DUSP10: variants seen among roughly 807,000 people sequenced by gnomAD.
DUSP10 encodes dual specificity protein phosphatase 10.
A neutral mutation model predicts 30.8 loss-of-function variants in DUSP10; 14 were observed. The ratio of observed to expected loss-of-function variants is 0.46; its 90% CI spans 0.30 to 0.71. DUSP10 has a LOEUF of 0.71. Among genes scored for constraint, DUSP10 ranks in the 30% least tolerant of loss-of-function variants. The pLI is 0.08. For missense variants in DUSP10, 550 were observed against 619.4 expected (o/e 0.89, Z 1.19); for synonymous variants, 254 against 250.4 (o/e 1.01, Z -0.14).
chr1:221,716,073 C>T (rs928449918), intron 2 of DUSP10, among the ~76,000 whole-genome samples: 14 of 150,090 alleles, frequency 9.3e-5, no homozygotes, highest in Non-Finnish European at 1.8e-4. Flanking sequence ...CCTCTCCCTA[C>T]ACCTTCTCTG....
intron 2 of DUSP10, among the ~76,000 whole-genome samples, chr1:221,713,772 T>C (rs144126467): frequency 8.4e-4 from 128 of 152,332 alleles, no homozygotes; most frequent in African/African-American, 3.0e-3. Flanking sequence ...TTTAAATCCC[T>C]TTGTACACAG....
At chr1:221,717,348 C>G (rs570437321) in intron 2 of DUSP10, among the ~76,000 whole-genome samples, 110 of 151,890 alleles carry the variant, frequency 7.2e-4, no homozygotes, top group African/African-American at 2.5e-3. Flanking sequence ...CACAGGGCCT[C>G]TTAGGCAGGT....
chr1:221,715,017 T>C (rs1222447431), intron 2 of DUSP10, among the ~76,000 whole-genome samples: 2 of 152,236 alleles, frequency 1.3e-5, no homozygotes, highest in Non-Finnish European at 2.9e-5. Context: ...GTGTGCTTTC[T>C]TCTCCATTTT....
chr1:221,732,909 C>T (rs947351861), intron 2 of DUSP10, among the ~76,000 whole-genome samples: 1 of 152,180 alleles, frequency 6.6e-6, no homozygotes, highest in Non-Finnish European at 1.5e-5. Context: ...GGATTAGGGG[C>T]CCTCTAAAGT....
rs1295406955 is a variant in DUSP10 at position 221,702,085 on chromosome 1, C to T, written c.*327G>A. On this transcript the variant is annotated 3_prime_UTR_variant, in exon 4 of 4. Coordinates refer to ENST00000366899, the MANE Select transcript of DUSP10 (RefSeq NM_007207.6). The surrounding 1 kb of genome is among the most constrained non-coding windows in gnomAD (Gnocchi z 4.5). ...TGTGTAGTATCTTCGGTCTATGAAC[C>T]TGCACAGACTATTTAGTCATAAACT... 1 of 265,992 alleles carries T rather than the reference C, an allele frequency of 3.8e-6. No homozygotes were observed. Among genetic ancestry groups the T allele is most frequent in the Non-Finnish European group, 7.3e-6 (1 of 137,842 alleles). The allele number at this position is 265,992 out of a possible 1,614,324, so 16.5% of individuals were successfully genotyped here.
intron 2 of DUSP10, among the ~76,000 whole-genome samples, chr1:221,722,938 A>G (rs1372392955): frequency 6.6e-6 from 1 of 152,212 alleles, no homozygotes; most frequent in Non-Finnish European, 1.5e-5. Flanking sequence ...TACCTTGTTT[A>G]TGAAATGTAA....
rs148075358 is a variant in DUSP10, at chr1:221,740,156, C to T, written c.-43-369G>A. 1.8e-4 allele frequency among the ~76,000 whole-genome samples: 27 copies of T among 152,296 alleles called. No homozygotes were observed. The East Asian group carries it at 5.2e-3, about 29-fold the overall frequency. ...GGCATCTATTCTGAACCTCAGCTCT[C>T]GGGCAGAAGTACACTGCAAACATCT... On this transcript the variant is annotated intron_variant, in intron 1 of 3. Transcript: ENST00000366899.
intron 3 of DUSP10, among the ~76,000 whole-genome samples, chr1:221,704,269 A>G (rs977687623): frequency 2.0e-5 from 3 of 148,786 alleles, no homozygotes; most frequent in Non-Finnish European, 3.0e-5. Context: ...TGTGATATGG[A>G]GTTGTTCTTC....
intron 2 of DUSP10, among the ~76,000 whole-genome samples, chr1:221,728,182 C>T (rs1339904552): frequency 6.6e-6 from 1 of 152,248 alleles, no homozygotes; most frequent in Admixed American, 6.5e-5. Flanking sequence ...TTGCACTTCA[C>T]AGCTTCCAGA....
intron 2 of DUSP10, among the ~76,000 whole-genome samples, chr1:221,714,369 C>G (rs917774100): frequency 6.6e-6 from 1 of 152,162 alleles, no homozygotes; most frequent in Non-Finnish European, 1.5e-5. Flanking sequence ...CAGACACAGA[C>G]AAGCAAACTG....
chr1:221,722,236 G>A (rs546500935), intron 2 of DUSP10, among the ~76,000 whole-genome samples: 74 of 152,324 alleles, frequency 4.9e-4, no homozygotes, highest in African/African-American at 1.7e-3. Flanking sequence ...ACGCTATAAC[G>A]CTCTTGAAAG....
chr1:221,724,701 GTGTT>G (rs1412399878), intron 2 of DUSP10, among the ~76,000 whole-genome samples: 6 of 152,286 alleles, frequency 3.9e-5, no homozygotes, highest in Admixed American at 3.9e-4. Flanking sequence ...ACTAAAATAT[GTGTT>G]TGTTTGCATG....
intron 2 of DUSP10, among the ~76,000 whole-genome samples, chr1:221,720,489 G>C (rs1009351160): frequency 6.6e-6 from 1 of 152,172 alleles, no homozygotes; most frequent in Admixed American, 6.5e-5. Context: ...TCTGCGAACT[G>C]TCCTAGAAAA....
rs1414537333 is a variant in DUSP10, at chr1:221,715,895, G to T, written c.812-9429C>A. Reference sequence around the variant, plus strand: ...CTGGTTTCTTCCCCACCAGGGCCTTGGGTTTGGTCTCTATCTCTATCCCCT... The same window carrying T: ...CTGGTTTCTTCCCCACCAGGGCCTTTGGTTTGGTCTCTATCTCTATCCCCT... On this transcript the variant is annotated intron_variant, in intron 2 of 3. Transcript: ENST00000366899. Among the ~76,000 whole-genome samples the T allele has an allele frequency of 3.5e-4, 53 of 151,966 alleles. 1 individual carries two copies. Among genetic ancestry groups the T allele is most frequent in the Admixed American group, 3.2e-3 (49 of 15,256 alleles).
At chr1:221,703,512 T>C (rs1660669732) in intron 3 of DUSP10, among the ~76,000 whole-genome samples, 1 of 152,204 alleles carries the variant, frequency 6.6e-6, no homozygotes, top group Non-Finnish European at 1.5e-5. Flanking sequence ...AGGCTAGTAG[T>C]ATACAGGCCG....
chr1:221,718,225 C>T (rs1008579145), intron 2 of DUSP10, among the ~76,000 whole-genome samples: 5 of 152,070 alleles, frequency 3.3e-5, no homozygotes, highest in African/African-American at 1.2e-4. Flanking sequence ...GCTACATGCA[C>T]GCACAGAAGC....
chr1:221,737,463 T>C (rs1399389332), intron 2 of DUSP10: 2 of 985,084 alleles, frequency 2.0e-6, no homozygotes, highest in African/African-American at 1.7e-5. Context: ...CATACAAGAA[T>C]ACAGAAACAA....
intron 2 of DUSP10, among the ~76,000 whole-genome samples, chr1:221,727,571 G>A (rs79283384): frequency 0.012 from 1,853 of 152,252 alleles, 54 homozygotes; most frequent in East Asian, 0.061. Context: ...TCAACATAGA[G>A]TAAGTGAATG....
chr1:221,708,638 C>A (rs541042711), intron 2 of DUSP10, among the ~76,000 whole-genome samples: 3 of 152,146 alleles, frequency 2.0e-5, no homozygotes, highest in Admixed American at 1.3e-4. Context: ...AAAGTTTGAA[C>A]CTGAAGAGAT....
Sources: allele counts gnomAD v4.1 joint callset (sites outside exome capture counted in the v4.1 genomes callset), GRCh38; gene constraint gnomAD v4.1.1; non-coding constraint Gnocchi (gnomAD v3.1); transcripts MANE v1.5; gene names NCBI Gene and HGNC (gene_info 2026-07-23, HGNC 2026-07-21).